MYO18B: variants seen among roughly 807,000 people sequenced by gnomAD.
The protein encoded by MYO18B is unconventional myosin-XVIIIb.
MYO18B carries 204 observed loss-of-function variants against 273.0 expected under a neutral mutation model. That is an observed-to-expected ratio of 0.75 (90% CI 0.67 to 0.84). The LOEUF is 0.84. Ranked by LOEUF, MYO18B falls within the 40% of genes least tolerant of loss-of-function variation. MYO18B has a pLI of 0.00. For missense variants in MYO18B, 3,212 were observed against 3,287.6 expected (o/e 0.98, Z 0.56); for synonymous variants, 1,330 against 1,305.7 (o/e 1.02, Z -0.40).
At chr22:25,984,354 G>A (rs962729849) in intron 39 of MYO18B, among the ~76,000 whole-genome samples, 1 of 151,642 alleles carries the variant, frequency 6.6e-6, no homozygotes, top group Non-Finnish European at 1.5e-5. Context: ...CTCTCTGGAA[G>A]TGTGATTAGC....
intron 39 of MYO18B, among the ~76,000 whole-genome samples, chr22:25,955,961 G>C (rs2092846638): frequency 6.6e-6 from 1 of 152,116 alleles, no homozygotes; most frequent in Admixed American, 6.5e-5. Flanking sequence ...TCCCTACCAG[G>C]TTCTGAAGGA....
intron 21 of MYO18B, among the ~76,000 whole-genome samples, chr22:25,863,731 T>C (rs2090807491): frequency 6.6e-6 from 1 of 152,220 alleles, no homozygotes; most frequent in South Asian, 2.1e-4. Context: ...TTCCCAGTTA[T>C]GCTTCAACCT....
chr22:25,831,230 AC>A (rs1167627655), intron 15 of MYO18B, among the ~76,000 whole-genome samples: 6 of 152,134 alleles, frequency 3.9e-5, no homozygotes, highest in Admixed American at 2.0e-4. Context: ...CCCTCCACTT[AC>A]AAATCTTAGT....
At chr22:25,871,175 C>T (rs376663798) in intron 22 of MYO18B, among the ~76,000 whole-genome samples, 14 of 152,084 alleles carry the variant, frequency 9.2e-5, no homozygotes, top group African/African-American at 3.4e-4. Context: ...ACAAGAGAAT[C>T]GGCTGACCCA....
At chr22:25,821,618 A>G (rs971795379) in intron 12 of MYO18B, among the ~76,000 whole-genome samples, 114 of 152,288 alleles carry the variant, frequency 7.5e-4, no homozygotes, top group African/African-American at 2.5e-3. Flanking sequence ...TCTACTAAAA[A>G]TACAAAAAAT....
intron 40 of MYO18B, among the ~76,000 whole-genome samples, chr22:26,002,144 T>C (rs993348899): frequency 2.6e-5 from 4 of 152,240 alleles, no homozygotes; most frequent in African/African-American, 4.8e-5. Flanking sequence ...AGAGTCTTTT[T>C]CTTTAAAAGG....
intron 25 of MYO18B, among the ~76,000 whole-genome samples, chr22:25,888,676 C>A: frequency 6.6e-6 from 1 of 152,170 alleles, no homozygotes; most frequent in Non-Finnish European, 1.5e-5. Context: ...CCAGGAACAC[C>A]CTAGGAGAGT....
chr22:25,974,359 T>C (rs1258968934), intron 39 of MYO18B, among the ~76,000 whole-genome samples: 1 of 152,212 alleles, frequency 6.6e-6, no homozygotes, highest in Non-Finnish European at 1.5e-5. Flanking sequence ...AATTTGCCAC[T>C]TGTATAGGTC....
At position 25,952,649 on chromosome 22, in the gene MYO18B, T is replaced by TTCCACCATCAA. The variant is rs139077217; in HGVS notation, c.5970+236_5970+237insATCCACCATCA. On this transcript the variant is annotated intron_variant, in intron 38 of 43. Transcript: ENST00000335473. The stretch of plus-strand genomic sequence containing the variant: ...TCCTCACGTATGTCTCTCCATCTCC[T>TTCCACCATCAA]TCCACCATCATGGGTCCATTCATCC... Among the ~76,000 whole-genome samples, 315 of 152,294 alleles carry TTCCACCATCAA rather than the reference T, an allele frequency of 2.1e-3. 1 individual carries two copies. The highest frequency in any genetic ancestry group is 0.02 in the East Asian group (101 of 5,176).
At chr22:25,781,014 G>A (rs16980727) in intron 9 of MYO18B, among the ~76,000 whole-genome samples, 2,389 of 152,160 alleles carry the variant, frequency 0.016, 66 homozygotes, top group African/African-American at 0.055. Flanking sequence ...ACATGGAGCT[G>A]GTATAATATC....
intron 12 of MYO18B, among the ~76,000 whole-genome samples, chr22:25,817,391 C>CT: frequency 2.2e-4 from 30 of 134,166 alleles, no homozygotes; most frequent in Middle Eastern, 3.6e-3. Context: ...CCCTCCCTCC[C>CT]TCCCTTCCTT....
chr22:25,824,920 T>TCACACACATGAA (rs113772154), intron 13 of MYO18B, among the ~76,000 whole-genome samples: 46,047 of 151,544 alleles, frequency 0.3, 7,154 homozygotes, highest in African/African-American at 0.38. Flanking sequence ...TACCACGGAA[T>TCACACACATGAA]CACACACATG....
At chr22:25,788,915 T>G (rs2087516236) in intron 11 of MYO18B, among the ~76,000 whole-genome samples, 1 of 152,126 alleles carries the variant, frequency 6.6e-6, no homozygotes, top group Admixed American at 6.5e-5. Context: ...CTCGATTTTT[T>G]CCTTTTCGAA....
At chr22:26,025,623 T>A (rs911911242) in intron 42 of MYO18B, among the ~76,000 whole-genome samples, 17 of 152,066 alleles carry the variant, frequency 1.1e-4, no homozygotes, top group African/African-American at 4.1e-4. Flanking sequence ...ATAACTTTGG[T>A]GAGGGGAGGG....
intron 12 of MYO18B, among the ~76,000 whole-genome samples, chr22:25,802,669 C>T (rs2088258195): frequency 6.8e-6 from 1 of 147,874 alleles, no homozygotes; most frequent in Non-Finnish European, 1.5e-5. Flanking sequence ...AGGAGAATGG[C>T]GTGAACCCGG....
At chr22:26,042,307 C>A in the MYO18B span, among the ~76,000 whole-genome samples, 5 of 152,378 alleles carry the variant, frequency 3.3e-5, no homozygotes, top group East Asian at 5.8e-4. Flanking sequence ...GAGACTATGC[C>A]TGTGAAAGTG....
chr22:25,785,434 G>A lies in MYO18B; in HGVS notation c.2319G>A (p.Glu773=), dbSNP rs1253062737. ...LAGLDLDLRT[E]LNLHQMADSS... is the part of the protein sequence containing the mutation. ...GTTCCTTCTGTGCTTCCAGGACGGA[G>A]CTGAACCTGCACCAGATGGCAGATA... is the stretch of plus-strand genomic sequence containing the variant. The change falls in exon 11 of 44, where the codon GAG becomes GAA. Residue 773 remains glutamate (E), a synonymous_variant. Transcript: ENST00000335473. 1 of 1,609,184 alleles carries A rather than the reference G, an allele frequency of 6.2e-7. No individual in the cohort carries two copies. The highest frequency in any genetic ancestry group is 1.7e-5 in the Admixed American group (1 of 59,390).
intron 36 of MYO18B, among the ~76,000 whole-genome samples, chr22:25,949,317 A>G (rs1171277821): frequency 6.6e-6 from 1 of 152,190 alleles, no homozygotes; most frequent in Non-Finnish European, 1.5e-5. Context: ...TCCAGGGGAA[A>G]GACAACTCCA....
downstream of MYO18B, among the ~76,000 whole-genome samples, chr22:26,032,953 C>A (rs1234252154): frequency 6.6e-6 from 1 of 152,098 alleles, no homozygotes; most frequent in Non-Finnish European, 1.5e-5. Context: ...ATCACTTAAT[C>A]TATTAATTTA....
Sources: allele counts gnomAD v4.1 joint callset (sites outside exome capture counted in the v4.1 genomes callset), GRCh38; gene constraint gnomAD v4.1.1; transcripts MANE v1.5; gene names NCBI Gene and HGNC (gene_info 2026-07-23, HGNC 2026-07-21).